The following PARN variants were observed in gnomAD, a reference collection of about 807,000 sequenced individuals.
PARN encodes the protein poly(A)-specific ribonuclease PARN.
Under a neutral mutation model 102.8 loss-of-function variants are expected in PARN, and 71 were observed. That is an observed-to-expected ratio of 0.69 (90% CI 0.57 to 0.84). The LOEUF is 0.84. PARN is among the 40% of genes least tolerant of loss of function. PARN has a pLI of 0.00. For missense variants in PARN, 782 were observed against 760.9 expected (o/e 1.03, Z -0.33); for synonymous variants, 261 against 252.9 (o/e 1.03, Z -0.30).
intron 6 of PARN, among the ~76,000 whole-genome samples, chr16:14,613,579 C>A (rs555974779): frequency 6.6e-6 from 1 of 152,078 alleles, no homozygotes; most frequent in Non-Finnish European, 1.5e-5. Context: ...GCCAAGATCA[C>A]GCCACTGCAC....
intron 22 of PARN, among the ~76,000 whole-genome samples, chr16:14,457,770 C>T (rs1255491183): frequency 1.5e-5 from 2 of 132,996 alleles, no homozygotes; most frequent in Admixed American, 8.8e-5. Context: ...TGTACTCCAG[C>T]CTGGGGGACA....
At chr16:14,605,874 T>C (rs1043788270) in intron 10 of PARN, among the ~76,000 whole-genome samples, 4 of 152,236 alleles carry the variant, frequency 2.6e-5, no homozygotes, top group African/African-American at 9.6e-5. Flanking sequence ...TGTACCATTA[T>C]AGCTTTCTGC....
At chr16:14,593,141 A>C (rs1459460240) in intron 13 of PARN, among the ~76,000 whole-genome samples, 160 bp downstream of exon 13, 1 of 152,182 alleles carries the variant, frequency 6.6e-6, no homozygotes, top group African/African-American at 2.4e-5. Flanking sequence ...CAAGGAAAAA[A>C]AAATGTGCAA....
chr16:14,457,132 G>A (rs894268525), intron 22 of PARN, among the ~76,000 whole-genome samples: 1 of 152,132 alleles, frequency 6.6e-6, no homozygotes, highest in East Asian at 1.9e-4. Context: ...ACAACAAATT[G>A]CTTATTTTAT....
chr16:14,567,173 A>G (rs1323003469), intron 18 of PARN, among the ~76,000 whole-genome samples: 1 of 152,238 alleles, frequency 6.6e-6, no homozygotes. Flanking sequence ...GAGGAAAAAT[A>G]AATGGCTTTG....
intron 21 of PARN, among the ~76,000 whole-genome samples, chr16:14,518,113 T>G (rs1185143268): frequency 6.6e-6 from 1 of 151,182 alleles, no homozygotes; most frequent in Admixed American, 6.6e-5. Flanking sequence ...AAAATTTAAT[T>G]TGCTCTTTTT....
chr16:14,548,757 T>A (rs924055797), intron 21 of PARN, among the ~76,000 whole-genome samples: 5 of 151,994 alleles, frequency 3.3e-5, no homozygotes, highest in Admixed American at 6.6e-5. Context: ...GGGTTCGAAA[T>A]CGGCCTGGCC....
chr16:14,604,320 G>C, intron 10 of PARN, 94 bp from the exon 11 acceptor site: 4 of 754,818 alleles, frequency 5.3e-6, no homozygotes, highest in Admixed American at 2.5e-5. Flanking sequence ...GAGTGCAATT[G>C]CATGATCTCA....
Position 14,494,781 on chromosome 16 carries a change from C to T in PARN, c.1481-11954G>A, listed in dbSNP as rs372476336. On this transcript the variant is annotated intron_variant, in intron 21 of 23. Coordinates refer to ENST00000437198, the MANE Select transcript of PARN (RefSeq NM_002582.4). ...GGGTAATAAATATGGAGAGAAAGGG[C>T]GGTGGCTTGTTAGGATGGAAGAGGT... Among the ~76,000 whole-genome samples, 4 of 152,150 alleles carry T rather than the reference C, an allele frequency of 2.6e-5. No individual in the cohort carries two copies. In the East Asian group the frequency reaches 5.8e-4, roughly 22 times the overall value.
intron 12 of PARN, among the ~76,000 whole-genome samples, chr16:14,598,636 G>A (rs1165357989): frequency 2.0e-5 from 3 of 152,118 alleles, no homozygotes; most frequent in African/African-American, 7.2e-5. Flanking sequence ...TTTCTCTCCG[G>A]ATCTTTCCAA....
At chr16:14,483,538 A>G (rs1169966179) in intron 21 of PARN, among the ~76,000 whole-genome samples, 1 of 152,060 alleles carries the variant, frequency 6.6e-6, no homozygotes, top group African/African-American at 2.4e-5. Flanking sequence ...CATTTTATTA[A>G]TTTTTTTAAA....
chr16:14,442,942 T>C (rs146799381), intron 23 of PARN, among the ~76,000 whole-genome samples: 35 of 152,328 alleles, frequency 2.3e-4, no homozygotes, highest in African/African-American at 8.4e-4. Flanking sequence ...TTGTTTCTGA[T>C]CTAGAACAGC....
chr16:14,538,878 C>T (rs545724938), intron 21 of PARN, among the ~76,000 whole-genome samples: 6 of 152,142 alleles, frequency 3.9e-5, no homozygotes, highest in Admixed American at 1.3e-4. Context: ...ATTAGATTCC[C>T]GTAAGAACAT....
intron 21 of PARN, among the ~76,000 whole-genome samples, chr16:14,485,114 G>A (rs745583944): frequency 6.6e-6 from 1 of 152,136 alleles, no homozygotes; most frequent in Non-Finnish European, 1.5e-5. Flanking sequence ...AAGTGGAGTG[G>A]GTTACTGAAA....
chr16:14,617,603 T>G lies in PARN; in HGVS notation c.375A>C (p.Lys125Asn), dbSNP rs1972007495. 1 of 1,567,186 alleles carries G rather than the reference T, an allele frequency of 6.4e-7. No individual in the cohort carries two copies. Among genetic ancestry groups the G allele is most frequent in the African/African-American group, 1.4e-5 (1 of 74,020 alleles). ...FLASQGFDFN[K>N]VFRNGIPYLN... ...CCATAATCTTACCATTTCGAAAAAC[T>G]TTATTAAAATCAAATCCCTGGCTTG... Residue 125 changes from lysine to asparagine, a missense_variant, in exon 6 of 24, where the codon AAA becomes AAC. Physicochemically the swap from Lys to Asn is moderately conservative, Grantham distance 94. Transcript: ENST00000437198.
At chr16:14,517,886 G>A (rs1965535430) in intron 21 of PARN, among the ~76,000 whole-genome samples, 1 of 151,882 alleles carries the variant, frequency 6.6e-6, no homozygotes, top group Non-Finnish European at 1.5e-5. Context: ...GGCCAGGCTG[G>A]TCTCAAACTC....
intron 21 of PARN, among the ~76,000 whole-genome samples, chr16:14,517,890 C>CAA (rs1965535571): frequency 6.6e-6 from 1 of 151,942 alleles, no homozygotes; most frequent in Non-Finnish European, 1.5e-5. Context: ...AGGCTGGTCT[C>CAA]AAACTCCTGG....
intron 13 of PARN, among the ~76,000 whole-genome samples, chr16:14,588,699 G>A (rs879714424): frequency 1.3e-5 from 2 of 152,022 alleles, no homozygotes; most frequent in Non-Finnish European, 2.9e-5. Flanking sequence ...CAAGCATGGT[G>A]AAATCCCATC....
chr16:14,568,902 T>C (rs1216066313), intron 18 of PARN, among the ~76,000 whole-genome samples: 2 of 144,006 alleles, frequency 1.4e-5, no homozygotes, highest in Non-Finnish European at 3.0e-5. Context: ...TCAAAAAAAA[T>C]TAAATTAAAT....
Sources: gnomAD v4.1 joint callset for allele counts (sites outside exome capture counted in the v4.1 genomes callset) on GRCh38, gnomAD v4.1.1 for gene constraint, MANE v1.5 for transcripts, NCBI Gene and HGNC (gene_info 2026-07-23, HGNC 2026-07-21) for gene names.